The following ITLN1 variants were observed in gnomAD, a reference collection of about 807,000 sequenced individuals.
The protein encoded by ITLN1 is intelectin 1, also known as intelectin-1.
In ITLN1, 29 loss-of-function variants were observed where a neutral mutation model predicts 36.2. The ratio of observed to expected loss-of-function variants is 0.80; its 90% CI spans 0.60 to 1.09. ITLN1 has a LOEUF of 1.09. Among genes scored for constraint, ITLN1 ranks in the 50% least tolerant of loss-of-function variants. The pLI is 0.00. For missense variants in ITLN1, 358 were observed against 405.2 expected, an observed-to-expected ratio of 0.88 and a Z score of 1.00; for synonymous variants, 143 against 146.5, an observed-to-expected ratio of 0.98 and a Z score of 0.17.
chr1:160,881,870 T>A, intron 4 of ITLN1, 87 bp downstream of exon 4: 4 of 1,372,974 alleles, frequency 2.9e-6, no homozygotes, highest in Non-Finnish European at 3.0e-6. Flanking sequence ...CCCACACCCC[T>A]ACCTTCCAGC....
At chr1:160,880,031 C>A (rs1386800415) in intron 6 of ITLN1, among the ~76,000 whole-genome samples, 1 of 152,064 alleles carries the variant, frequency 6.6e-6, no homozygotes, top group Non-Finnish European at 1.5e-5. Context: ...CCTGGCCGGG[C>A]GTGGTGGCTC....
At position 160,876,793 on chromosome 1, in the gene ITLN1, G is replaced by A; in HGVS notation, c.813C>T (p.Tyr271=). 6.2e-7 allele frequency: 1 copy of A among 1,614,206 alleles called. No individual in the cohort carries two copies. Among genetic ancestry groups the A allele is most frequent in the East Asian group, 2.2e-5 (1 of 44,888 alleles). ...TEHHCIGGGG[Y]FPEASPQQCG... is the part of the protein sequence containing the mutation. ...ACTGCTGGGGACTGGCCTCTGGAAA[G>A]TATCCTCCTCCACCAATGCAGTGCT... is the stretch of plus-strand genomic sequence containing the variant. The change falls in exon 8 of 8, where the codon TAC becomes TAT. Residue 271 remains tyrosine (Y), a synonymous_variant. Coordinates refer to ENST00000326245, the MANE Select transcript of ITLN1 (RefSeq NM_017625.3).
At position 160,876,798 on chromosome 1, in the gene ITLN1, C is replaced by T. The variant is rs1209755117; in HGVS notation, c.808G>A (p.Gly270Arg). Residue 270 changes from glycine to arginine, a missense_variant, in exon 8 of 8, where the codon GGA (glycine) becomes AGA (arginine). Coordinates refer to ENST00000326245, the MANE Select transcript of ITLN1 (RefSeq NM_017625.3). ...NTEHHCIGGG[G>R]YFPEASPQQC... The stretch of plus-strand genomic sequence containing the variant: ...TGGGGACTGGCCTCTGGAAAGTATC[C>T]TCCTCCACCAATGCAGTGCTGGGAA... 2 of 1,614,192 alleles carry T rather than the reference C, an allele frequency of 1.2e-6. No homozygotes were observed. Among genetic ancestry groups the T allele is most frequent in the East Asian group, 4.5e-5 (2 of 44,890 alleles).
chr1:160,880,219 C>T (rs533617300), intron 6 of ITLN1, among the ~76,000 whole-genome samples: 291 of 151,952 alleles, frequency 1.9e-3, no homozygotes, highest in Non-Finnish European at 3.2e-3. Flanking sequence ...ACAGGAGAAT[C>T]ATTTGAACCT....
intron 7 of ITLN1, among the ~76,000 whole-genome samples, chr1:160,877,364 T>C (rs1670606647): frequency 6.6e-6 from 1 of 152,192 alleles, no homozygotes; most frequent in Admixed American, 6.5e-5. Flanking sequence ...ATCCTCTAAG[T>C]GCTGCTCCCT....
intron 4 of ITLN1, chr1:160,881,545 A>G: frequency 1.9e-6 from 1 of 536,782 alleles, no homozygotes; most frequent in East Asian, 3.3e-5. Flanking sequence ...GTGGTGGCTC[A>G]TGCCTATAAT....
At chr1:160,877,355 TCCTCTAAGTGCTGCTC>T (rs1430934618) in intron 7 of ITLN1, among the ~76,000 whole-genome samples, 2 of 152,172 alleles carry the variant, frequency 1.3e-5, no homozygotes, top group African/African-American at 4.8e-5. Context: ...CTTTCATAAA[TCCTCTAAGTGCTGCTC>T]CCTAGTGGAG....
chr1:160,880,788 A>G, intron 5 of ITLN1, 80 bp from the exon 6 acceptor site: 1 of 1,484,812 alleles, frequency 6.7e-7, no homozygotes, highest in Non-Finnish European at 9.3e-7. Flanking sequence ...GCTGCCATTC[A>G]TAGAGGAGAA....
At chr1:160,880,244 G>A (rs558347639) in intron 6 of ITLN1, among the ~76,000 whole-genome samples, 2 of 151,656 alleles carry the variant, frequency 1.3e-5, no homozygotes, top group Non-Finnish European at 2.9e-5. Context: ...GGCACAAGTT[G>A]CAGTGAGCTG....
Position 160,885,048 on chromosome 1 carries a change from C to T in ITLN1, c.-7+13G>A, listed in dbSNP as rs367626564. On this transcript the variant is annotated intron_variant, in intron 1 of 7. Transcript: ENST00000326245. ...GACCTAAGCTGAAAACAGGATTCCCCCAACTCACAGACCTTGTCTGAGTCT... is the reference window on the plus strand; with the variant it reads ...GACCTAAGCTGAAAACAGGATTCCCTCAACTCACAGACCTTGTCTGAGTCT... 6.6e-5 allele frequency: 37 copies of T among 563,028 alleles called. No individual in the cohort carries two copies. In the East Asian group the frequency reaches 9.8e-4, roughly 15 times the overall value. The allele number at this position is 563,028 out of a possible 1,614,324, so 34.9% of individuals were successfully genotyped here.
chr1:160,883,595 C>T, intron 2 of ITLN1, 69 bp from the exon 3 acceptor site: 1 of 1,085,152 alleles, frequency 9.2e-7, no homozygotes, highest in Non-Finnish European at 1.4e-6. Context: ...TATCACTAGT[C>T]CCACGCTCAT....
chr1:160,882,542 C>T lies in ITLN1; in HGVS notation c.158-338G>A, dbSNP rs938093967. 3.3e-5 allele frequency among the ~76,000 whole-genome samples: 5 copies of T among 152,186 alleles called. No homozygotes were observed. In the East Asian group the frequency reaches 9.6e-4, roughly 29 times the overall value. ...GATGCTTTTACACCAGTGTTCATTGCAGCATTAGTCACAAGAGCCAAATAG... is the reference window on the plus strand; with the variant it reads ...GATGCTTTTACACCAGTGTTCATTGTAGCATTAGTCACAAGAGCCAAATAG... On this transcript the variant is annotated intron_variant, in intron 3 of 7. Transcript: ENST00000326245.
At chr1:160,884,790 G>A (rs778060517) in intron 2 of ITLN1, 30 bp downstream of exon 2, 14 of 1,525,142 alleles carry the variant, frequency 9.2e-6, no homozygotes, top group Non-Finnish European at 1.1e-5. Flanking sequence ...TCCAGCTGAA[G>A]GAACTGCTGT....
rs1274256237 is a variant in ITLN1 at position 160,882,017 on chromosome 1, G to T, written c.345C>A (p.Gly115=). The T allele has an allele frequency of 6.2e-7, 1 of 1,614,060 alleles. No individual in the cohort carries two copies. The highest frequency in any genetic ancestry group is 1.1e-5 in the South Asian group (1 of 91,078). The change falls in exon 4 of 8, where the codon GGC becomes GGA. Residue 115 remains glycine, a synonymous_variant. Transcript: ENST00000326245. ...GSKAVYPEGD[G]NWANYNTFGS... ...CAAAGGTGTTGTAGTTGGCCCAGTT[G>T]CCGTCCCCCTCTGGGTAGACTGCTT...
intron 3 of ITLN1, chr1:160,882,430 C>T (rs1020898977): frequency 2.2e-6 from 1 of 451,918 alleles, no homozygotes; most frequent in Admixed American, 3.9e-5. Flanking sequence ...TGACATTTTT[C>T]ATAAAGTTAA....
chr1:160,883,590 C>A (rs936435120), intron 2 of ITLN1, 64 bp from the exon 3 acceptor site: 9 of 1,135,960 alleles, frequency 7.9e-6, no homozygotes, highest in African/African-American at 7.7e-5. Flanking sequence ...TCTCCTATCA[C>A]TAGTCCCACG....
intron 6 of ITLN1, among the ~76,000 whole-genome samples, chr1:160,879,739 T>C (rs894501424): frequency 9.2e-5 from 14 of 152,230 alleles, no homozygotes; most frequent in Non-Finnish European, 1.8e-4. Flanking sequence ...AATTAACAGA[T>C]GTATTCACTC....
chr1:160,879,225 CCACACTCAACACACTCACACATACCA>C, intron 7 of ITLN1, 60 bp downstream of exon 7: 1 of 952,594 alleles, frequency 1.0e-6, no homozygotes, highest in Non-Finnish European at 1.7e-6. Context: ...CCCAGTCATA[CCACACTCAACACACTCACACATACCA>C]ACACACACGG....
chr1:160,883,380 C>G (rs1670709213), intron 3 of ITLN1, 48 bp downstream of exon 3: 10 of 1,307,254 alleles, frequency 7.6e-6, no homozygotes, highest in Non-Finnish European at 1.1e-5. Context: ...CCAGAAGACA[C>G]AATCCTGATA....
Sources: allele counts gnomAD v4.1 joint callset (sites outside exome capture counted in the v4.1 genomes callset), GRCh38; gene constraint gnomAD v4.1.1; transcripts MANE v1.5; gene names NCBI Gene and HGNC (gene_info 2026-07-23, HGNC 2026-07-21).